The following BRD4 variants were observed in gnomAD, a reference collection of about 807,000 sequenced individuals.
BRD4 encodes the protein bromodomain containing 4.
A neutral mutation model predicts 142.1 loss-of-function variants in BRD4; 16 were observed. That is an observed-to-expected ratio of 0.11 (90% confidence interval 0.08 to 0.17). The LOEUF is 0.17. BRD4 is among the 10% of genes least tolerant of loss of function. BRD4 has a pLI of 1.00. For synonymous variants in BRD4, 833 were observed against 707.5 expected, an observed-to-expected ratio of 1.18 and a Z score of -2.82; for missense variants, 1,424 against 1,810.9, an observed-to-expected ratio of 0.79 and a Z score of 3.88.
chr19:15,331,380 C>T (rs1001992014), intron 1 of BRD4, among the ~76,000 whole-genome samples: 1 of 152,202 alleles, frequency 6.6e-6, no homozygotes, highest in Non-Finnish European at 1.5e-5. Context: ...CGCTGAATCA[C>T]AACTCCCCCA....
At chr19:15,271,770 C>T (rs2047589620) in intron 2 of BRD4, among the ~76,000 whole-genome samples, 1 of 152,208 alleles carries the variant, frequency 6.6e-6, no homozygotes, top group East Asian at 1.9e-4. Context: ...AAGACCCAGA[C>T]ACGTACTGCC....
chr19:15,246,921 GC>G (rs2047293014), intron 11 of BRD4: 1 of 173,384 alleles, frequency 5.8e-6, no homozygotes, highest in Non-Finnish European at 1.2e-5. Flanking sequence ...CCCCCTTCTG[GC>G]CCATGTGGTC....
At chr19:15,320,652 C>T (rs1376887078) in intron 1 of BRD4, among the ~76,000 whole-genome samples, 1 of 152,166 alleles carries the variant, frequency 6.6e-6, no homozygotes, top group Non-Finnish European at 1.5e-5. Context: ...GCTGTTTTCC[C>T]GCCAAACTGG....
chr19:15,308,554 T>A (rs1306004801), intron 1 of BRD4, among the ~76,000 whole-genome samples: 2 of 148,312 alleles, frequency 1.3e-5, no homozygotes, highest in Non-Finnish European at 1.5e-5. Flanking sequence ...GCCACTGCAC[T>A]CCCGCCTGGG....
intron 4 of BRD4, among the ~76,000 whole-genome samples, chr19:15,266,251 A>C (rs540471009): frequency 2.0e-5 from 3 of 152,294 alleles, no homozygotes; most frequent in African/African-American, 7.2e-5. Flanking sequence ...CTCTAACAAA[A>C]CTGGGTGGAC....
intron 7 of BRD4, among the ~76,000 whole-genome samples, chr19:15,259,378 C>T (rs2047445587): frequency 6.6e-6 from 1 of 152,194 alleles, no homozygotes; most frequent in Admixed American, 6.5e-5. Flanking sequence ...TGTTCCTCCC[C>T]ACCAGGTGAT....
In BRD4 at chr19:15,264,464, T is replaced by C. The variant is rs766462106; in HGVS notation, c.1152A>G (p.Ala384=). Residue 384 remains alanine, a synonymous_variant, in exon 6 of 20, where the codon GCA becomes GCG. Coordinates refer to ENST00000679869, the MANE Select transcript of BRD4 (RefSeq NM_001379291.1). ...TGTCACAGTAGTCGTGTAGGCCCAG[T>C]GCCTCCACGTCCACAGGCTTGTAGA... ...WPFYKPVDVE[A]LGLHDYCDII... is the part of the protein sequence containing the mutation. 1.9e-5 allele frequency: 30 copies of C among 1,613,070 alleles called. No homozygotes were observed. Among genetic ancestry groups the C allele is most frequent in the Non-Finnish European group, 2.2e-5 (26 of 1,179,698 alleles).
At position 15,243,003 on chromosome 19, in the gene BRD4, C is replaced by A; in HGVS notation, c.3066G>T (p.Pro1022=). 6.0e-6 allele frequency: 1 copy of A among 165,444 alleles called. No homozygotes were observed. The highest frequency in any genetic ancestry group is 9.5e-6 in the Non-Finnish European group (1 of 104,854). The allele number at this position is 165,444 out of a possible 1,614,324, so 10.2% of individuals were successfully genotyped here. A position where few individuals can be genotyped will look rare whatever the true frequency, so the allele number is the denominator to read the frequency against. Residue 1022 remains proline (P), a synonymous_variant, in exon 14 of 20, where the codon CCG becomes CCT. Transcript: ENST00000679869. ...GCGGGGGTGGCTGCTGGCCTGGGGG[C>A]GGATGGGGGGGCTGCTGGCCCTGGG... ...PPPQGQQPPH[P]PPGQQPPPPQ... is the part of the protein sequence containing the mutation.
rs867199509 is a variant in BRD4 at position 15,292,273 on chromosome 19, T to C, written c.-34-19140A>G. On this transcript the variant is annotated intron_variant, in intron 1 of 19. Coordinates refer to ENST00000679869, the MANE Select transcript of BRD4 (RefSeq NM_001379291.1). Reference sequence around the variant, plus strand: ...ATAGGCCAAAAACAAAAGAGCTTCATTTCACAGCCATCTGGAGGTGCCTTC... The same window carrying C: ...ATAGGCCAAAAACAAAAGAGCTTCACTTCACAGCCATCTGGAGGTGCCTTC... 1.1e-3 allele frequency among the ~76,000 whole-genome samples: 164 copies of C among 151,628 alleles called. 1 individual carries two copies. The highest frequency in any genetic ancestry group is 3.5e-3 in the African/African-American group (142 of 40,930).
intron 1 of BRD4, among the ~76,000 whole-genome samples, chr19:15,309,246 T>C (rs2047944754): frequency 7.0e-6 from 1 of 142,114 alleles, no homozygotes; most frequent in Non-Finnish European, 1.5e-5. Context: ...GGCAGGAGAA[T>C]GGCATGAACC....
At chr19:15,306,856 TATA>T (rs2145699843) in intron 1 of BRD4, among the ~76,000 whole-genome samples, 1 of 152,072 alleles carries the variant, frequency 6.6e-6, no homozygotes, top group African/African-American at 2.4e-5. Context: ...TCATAACAGA[TATA>T]ATAGTCTGAA....
chr19:15,278,105 C>CAAAAAAAAAAAAA (rs59204229), intron 1 of BRD4, among the ~76,000 whole-genome samples: 5 of 55,038 alleles, frequency 9.1e-5, no homozygotes, highest in Non-Finnish European at 1.6e-4. Context: ...GACTCCGTCT[C>CAAAAAAAAAAAAA]AAAAAAAAAA....
intron 1 of BRD4, among the ~76,000 whole-genome samples, chr19:15,323,476 A>T (rs1288531116): frequency 6.6e-6 from 1 of 152,172 alleles, no homozygotes; most frequent in African/African-American, 2.4e-5. Flanking sequence ...TTCCTCAAAC[A>T]GCATGGAAAA....
intron 11 of BRD4, chr19:15,253,041 G>A: frequency 4.2e-6 from 1 of 237,312 alleles, no homozygotes; most frequent in East Asian, 6.3e-5. Context: ...CCCAGGGATG[G>A]GACAGGCCCG....
At chr19:15,293,286 A>G (rs1293242325) in intron 1 of BRD4, among the ~76,000 whole-genome samples, 1 of 152,118 alleles carries the variant, frequency 6.6e-6, no homozygotes, top group African/African-American at 2.4e-5. Context: ...CTGAGCCCAA[A>G]CCAGAAGTCC....
At chr19:15,299,015 G>A (rs1003387472) in intron 1 of BRD4, among the ~76,000 whole-genome samples, 2 of 152,190 alleles carry the variant, frequency 1.3e-5, no homozygotes, top group African/African-American at 4.8e-5. Flanking sequence ...CCCAGTCATG[G>A]TGGCACCACA....
intron 1 of BRD4, among the ~76,000 whole-genome samples, chr19:15,320,434 A>G (rs1214043224): frequency 6.6e-6 from 1 of 152,202 alleles, no homozygotes; most frequent in Non-Finnish European, 1.5e-5. Context: ...CTCCTGAACT[A>G]ACAATAGTTA....
intron 1 of BRD4, among the ~76,000 whole-genome samples, chr19:15,324,168 C>G (rs1473616845): frequency 6.6e-6 from 1 of 152,130 alleles, no homozygotes; most frequent in East Asian, 1.9e-4. Context: ...GTCCCAGAAA[C>G]TTCCTACACT....
chr19:15,315,208 G>C (rs965231676), intron 1 of BRD4, among the ~76,000 whole-genome samples: 1 of 151,760 alleles, frequency 6.6e-6, no homozygotes, highest in African/African-American at 2.4e-5. Flanking sequence ...ATGAGATCAC[G>C]TGTCATTTTA....
Sources: allele counts gnomAD v4.1 joint callset (sites outside exome capture counted in the v4.1 genomes callset), GRCh38; gene constraint gnomAD v4.1.1; transcripts MANE v1.5; gene names NCBI Gene and HGNC (gene_info 2026-07-23, HGNC 2026-07-21).